NEGR1: variants seen among roughly 807,000 people sequenced by gnomAD.
NEGR1 encodes the protein neuronal growth regulator 1.
NEGR1 carries 10 observed loss-of-function variants against 40.9 expected under a neutral mutation model. The observed-to-expected ratio is 0.24, with a 90% CI of 0.15 to 0.42. The LOEUF (loss-of-function observed/expected upper bound fraction) is 0.42, where lower values mean the gene tolerates loss of function less well. Ranked by LOEUF, NEGR1 falls within the 10% of genes least tolerant of loss-of-function variation. The pLI is 1.00. For missense variants in NEGR1, 352 were observed against 438.9 expected, an observed-to-expected ratio of 0.80 and a Z score of 1.77; for synonymous variants, 185 against 166.8, an observed-to-expected ratio of 1.11 and a Z score of -0.84.
chr1:71,683,910 T>C (rs1022338926), intron 4 of NEGR1, among the ~76,000 whole-genome samples: 1 of 152,094 alleles, frequency 6.6e-6, no homozygotes, highest in African/African-American at 2.4e-5. Flanking sequence ...GAGTTCTTTG[T>C]GGTTTGGTAG....
intron 1 of NEGR1, among the ~76,000 whole-genome samples, chr1:72,025,962 T>C (rs1189285650): frequency 6.6e-6 from 1 of 150,424 alleles, no homozygotes; most frequent in Non-Finnish European, 1.5e-5. Flanking sequence ...ATACAAAAAA[T>C]TAGCCGGGCG....
intron 1 of NEGR1, among the ~76,000 whole-genome samples, chr1:72,261,277 C>G (rs922094136): frequency 6.6e-6 from 1 of 152,042 alleles, no homozygotes; most frequent in Non-Finnish European, 1.5e-5. Context: ...TGGAGACCAA[C>G]AGTGTGGTTT....
chr1:71,451,731 A>T (rs1399005280), intron 6 of NEGR1, among the ~76,000 whole-genome samples: 1 of 152,200 alleles, frequency 6.6e-6, no homozygotes, highest in Non-Finnish European at 1.5e-5. Context: ...CTGTGTGAAG[A>T]TTATGCTACC....
rs558206827 is a variant in NEGR1 at position 71,963,877 on chromosome 1, A to T, written c.177-28566T>A. Among the ~76,000 whole-genome samples the T allele has an allele frequency of 1.3e-4, 20 of 152,306 alleles. No homozygotes were observed. The South Asian group carries it at 3.3e-3, about 25-fold the overall frequency. ...TAGAATTTGTGATGCAAGAAATACG[A>T]GTCCAAATCTGTAAAACTATACATT... On this transcript the variant is annotated intron_variant, in intron 1 of 6. Coordinates refer to ENST00000357731, the MANE Select transcript of NEGR1 (RefSeq NM_173808.3).
intron 1 of NEGR1, among the ~76,000 whole-genome samples, chr1:72,161,692 T>A (rs1651570024): frequency 7.0e-6 from 1 of 142,210 alleles, no homozygotes; most frequent in Admixed American, 7.0e-5. Flanking sequence ...TTTTTTTTTT[T>A]TTTTTGAGAT....
chr1:72,127,267 A>G (rs528719720), intron 1 of NEGR1, among the ~76,000 whole-genome samples: 2 of 152,152 alleles, frequency 1.3e-5, no homozygotes, highest in Non-Finnish European at 2.9e-5. Flanking sequence ...GATTGAGACC[A>G]TCCTGGCTAA....
rs540050771 is a variant in NEGR1 at position 72,114,495 on chromosome 1, AGAT to A, written c.176+167821_176+167823del. ...ATGACAGATAGATAAATAGATAGAT[AGAT>A]AATAGATCTAGATAGAGCTCCGTTT... On this transcript the variant is annotated intron_variant, in intron 1 of 6. Transcript: ENST00000357731. 2.9e-3 allele frequency among the ~76,000 whole-genome samples: 435 copies of A among 151,670 alleles called. 1 individual carries two copies. The highest frequency in any genetic ancestry group is 5.3e-3 in the Non-Finnish European group (358 of 67,668).
intron 6 of NEGR1, among the ~76,000 whole-genome samples, chr1:71,508,893 C>T (rs143380899): frequency 0.014 from 2,095 of 152,286 alleles, 19 homozygotes; most frequent in Non-Finnish European, 0.022. Flanking sequence ...AGTAGCATCA[C>T]GGGTATATGG....
At chr1:71,861,654 C>T (rs542456009) in intron 2 of NEGR1, among the ~76,000 whole-genome samples, 16 of 152,104 alleles carry the variant, frequency 1.1e-4, no homozygotes, top group African/African-American at 3.1e-4. Context: ...GATGGCTAAC[C>T]TTTATAAATA....
At chr1:71,687,022 G>A (rs986556298) in intron 4 of NEGR1, among the ~76,000 whole-genome samples, 2 of 152,192 alleles carry the variant, frequency 1.3e-5, no homozygotes, top group African/African-American at 4.8e-5. Flanking sequence ...TATACTAAAT[G>A]AGGAAAACAC....
intron 4 of NEGR1, among the ~76,000 whole-genome samples, chr1:71,696,634 G>T (rs1380388662): frequency 6.6e-6 from 1 of 151,716 alleles, no homozygotes; most frequent in Non-Finnish European, 1.5e-5. Flanking sequence ...AGTGATAAAT[G>T]ATCAGGAATT....
At chr1:71,803,577 C>T (rs1211731091) in intron 2 of NEGR1, among the ~76,000 whole-genome samples, 1 of 152,114 alleles carries the variant, frequency 6.6e-6, no homozygotes, top group African/African-American at 2.4e-5. Context: ...GGGGCTATAA[C>T]TTGTGGTTTC....
chr1:71,881,440 C>T lies in NEGR1; in HGVS notation c.409+53639G>A, dbSNP rs193171819. 4.4e-3 allele frequency among the ~76,000 whole-genome samples: 663 copies of T among 152,112 alleles called. 6 individuals are homozygous for T. The highest frequency in any genetic ancestry group is 0.034 in the Middle Eastern group (10 of 294). ...CAGTTTAAAATAAATTGTAATTGTT[C>T]ATTGTTTGGCAAGGTTCAACTCAAT... On this transcript the variant is annotated intron_variant, in intron 2 of 6. Transcript: ENST00000357731.
intron 2 of NEGR1, among the ~76,000 whole-genome samples, chr1:71,831,429 G>A (rs1284374711): frequency 6.6e-6 from 1 of 151,900 alleles, no homozygotes; most frequent in Admixed American, 6.6e-5. Context: ...CATACACAAT[G>A]TATTGTTAAA....
rs776552780 is a variant in NEGR1, at chr1:71,407,499, T to A, written c.1012A>T (p.Thr338Ser). 2 of 1,612,040 alleles carry A rather than the reference T, an allele frequency of 1.2e-6. No homozygotes were observed. Among genetic ancestry groups the A allele is most frequent in the Non-Finnish European group, 1.7e-6 (2 of 1,178,318 alleles). The stretch of plus-strand genomic sequence containing the variant: ...AATATGCTGGTGAAAGAGGACAGTG[T>A]CAACACAAGGTACCAGCAGGAGAAA... ...VLFSCWYLVL[T>S]LSSFTSIFYL... Residue 338 changes from threonine (T) to serine (S), a missense_variant, in exon 7 of 7, where the codon ACA becomes TCA. Transcript: ENST00000357731.
At chr1:71,973,320 G>GAAAAAA (rs35734264) in intron 1 of NEGR1, among the ~76,000 whole-genome samples, 10 of 101,628 alleles carry the variant, frequency 9.8e-5, no homozygotes, top group Admixed American at 2.1e-4. Context: ...CAACTCAAAA[G>GAAAAAA]AAAAAAAAAA....
intron 3 of NEGR1, among the ~76,000 whole-genome samples, chr1:71,759,909 C>T (rs903523954): frequency 4.6e-5 from 7 of 151,844 alleles, no homozygotes; most frequent in African/African-American, 1.7e-4. Flanking sequence ...GTGGCTGGCC[C>T]AAGATAATAA....
At chr1:71,907,289 C>T (rs1661303558) in intron 2 of NEGR1, among the ~76,000 whole-genome samples, 1 of 152,076 alleles carries the variant, frequency 6.6e-6, no homozygotes, top group Non-Finnish European at 1.5e-5. Flanking sequence ...TTGATGCCAA[C>T]TTAATGAGGT....
chr1:71,597,468 C>CTGTGTG (rs1331833538), intron 5 of NEGR1, among the ~76,000 whole-genome samples: 586 of 22,108 alleles, frequency 0.027, 1 homozygote, highest in Non-Finnish European at 0.1. Context: ...CTCTCTCTCT[C>CTGTGTG]TCTCTGTGTG....
Sources: allele counts gnomAD v4.1 joint callset (sites outside exome capture counted in the v4.1 genomes callset), GRCh38; gene constraint gnomAD v4.1.1; transcripts MANE v1.5; gene names NCBI Gene and HGNC (gene_info 2026-07-23, HGNC 2026-07-21).